The following RAP1A variants were observed in gnomAD, a reference collection of about 807,000 sequenced individuals.
RAP1A encodes ras-related protein Rap-1A.
A neutral mutation model predicts 26.4 loss-of-function variants in RAP1A; 6 were observed. The ratio of observed to expected loss-of-function variants is 0.23; its 90% confidence interval spans 0.12 to 0.45. The LOEUF (loss-of-function observed/expected upper bound fraction) is 0.45. RAP1A is among the 20% of genes least tolerant of loss of function. The pLI is 0.99. For synonymous variants in RAP1A, 73 were observed against 79.4 expected (o/e 0.92, Z 0.43); for missense variants, 121 against 217.2 (o/e 0.56, Z 2.78).
chr1:111,562,021 C>T (rs1331527900), intron 1 of RAP1A, among the ~76,000 whole-genome samples: 1 of 152,250 alleles, frequency 6.6e-6, no homozygotes, highest in Non-Finnish European at 1.5e-5. Flanking sequence ...ACTCTGAACC[C>T]AAATTAACTT....
intron 1 of RAP1A, among the ~76,000 whole-genome samples, chr1:111,591,286 T>C (rs935569265): frequency 6.6e-6 from 1 of 152,166 alleles, no homozygotes; most frequent in Non-Finnish European, 1.5e-5. Flanking sequence ...CAGCTTTTTG[T>C]TCTCCTGATC....
intron 4 of RAP1A, among the ~76,000 whole-genome samples, chr1:111,698,368 A>T (rs1402732775): frequency 1.3e-5 from 2 of 152,130 alleles, no homozygotes; most frequent in East Asian, 3.9e-4. Context: ...TCCTGGGCTC[A>T]AACAGTCTTC....
intron 1 of RAP1A, chr1:111,602,213 A>T (rs1376828328): frequency 6.6e-6 from 1 of 152,176 alleles, no homozygotes; most frequent in Non-Finnish European, 1.5e-5. Context: ...TTCTTCTTGT[A>T]GGTTATGTTC....
At chr1:111,580,627 T>C (rs557958480) in intron 1 of RAP1A, among the ~76,000 whole-genome samples, 1 of 152,056 alleles carries the variant, frequency 6.6e-6, no homozygotes, top group Non-Finnish European at 1.5e-5. Flanking sequence ...GGCGGGCGGA[T>C]CACGAGGTCA....
At chr1:111,662,594 T>C (rs965903175) in intron 1 of RAP1A, among the ~76,000 whole-genome samples, 2 of 152,102 alleles carry the variant, frequency 1.3e-5, no homozygotes, top group African/African-American at 4.8e-5. Flanking sequence ...TAAGAGAGAT[T>C]TGATGCTCTT....
chr1:111,602,810 A>G (rs1399920016), intron 1 of RAP1A, among the ~76,000 whole-genome samples: 1 of 152,176 alleles, frequency 6.6e-6, no homozygotes, highest in African/African-American at 2.4e-5. Context: ...CTACCCCAGT[A>G]TCTACACGTT....
At chr1:111,648,712 C>A in intron 1 of RAP1A, 1 of 578,932 alleles carries the variant, frequency 1.7e-6, no homozygotes, top group Admixed American at 2.1e-5. Flanking sequence ...ATCTTAGCCT[C>A]TCCAGCCTCA....
At chr1:111,632,874 T>C (rs1012335971) in intron 1 of RAP1A, among the ~76,000 whole-genome samples, 3 of 135,338 alleles carry the variant, frequency 2.2e-5, no homozygotes, top group Admixed American at 8.7e-5. Flanking sequence ...TGAGCCAGGA[T>C]GGTGCCATTG....
At chr1:111,589,909 G>A (rs921806144) in intron 1 of RAP1A, among the ~76,000 whole-genome samples, 2 of 151,966 alleles carry the variant, frequency 1.3e-5, no homozygotes, top group Admixed American at 6.6e-5. Context: ...ACAGGCACAC[G>A]TCACCATGCC....
chr1:111,561,478 T>A (rs910135568), intron 1 of RAP1A, among the ~76,000 whole-genome samples: 1 of 151,988 alleles, frequency 6.6e-6, no homozygotes, highest in African/African-American at 2.4e-5. Flanking sequence ...ATTATTAACA[T>A]GTGACACAGA....
intron 1 of RAP1A, among the ~76,000 whole-genome samples, chr1:111,573,209 A>G (rs896889030): frequency 6.6e-6 from 1 of 152,148 alleles, no homozygotes; most frequent in African/African-American, 2.4e-5. Context: ...CAATGAATGT[A>G]TGTGTGCATG....
chr1:111,704,625 T>A, intron 6 of RAP1A, 139 bp downstream of exon 6: 1 of 926,550 alleles, frequency 1.1e-6, no homozygotes, highest in Non-Finnish European at 1.5e-6. Flanking sequence ...AAGTAATTCC[T>A]GGAAACTATA....
At chr1:111,654,661 G>A (rs981714529) in intron 1 of RAP1A, among the ~76,000 whole-genome samples, 4 of 151,848 alleles carry the variant, frequency 2.6e-5, no homozygotes, top group Non-Finnish European at 5.9e-5. Flanking sequence ...TCCTCAGTAA[G>A]TGTTAAACTG....
At chr1:111,671,871 G>T (rs1022893706) in intron 1 of RAP1A, among the ~76,000 whole-genome samples, 2 of 152,142 alleles carry the variant, frequency 1.3e-5, no homozygotes, top group African/African-American at 4.8e-5. Context: ...GGATTATTTA[G>T]AATTCTGTTT....
intron 2 of RAP1A, among the ~76,000 whole-genome samples, chr1:111,692,071 G>C (rs1661687811): frequency 6.6e-6 from 1 of 152,202 alleles, no homozygotes. Context: ...GTTTATGGAA[G>C]CTTGGATTAG....
Position 111,666,775 on chromosome 1 carries a change from C to A in RAP1A, c.-27-24559C>A, listed in dbSNP as rs866917257. Among the ~76,000 whole-genome samples the A allele has an allele frequency of 2.0e-5, 3 of 152,062 alleles. No individual in the cohort carries two copies. The South Asian group carries it at 6.2e-4, about 32-fold the overall frequency. On this transcript the variant is annotated intron_variant, in intron 1 of 7. Coordinates refer to ENST00000369709, the MANE Select transcript of RAP1A (RefSeq NM_002884.4). ...ATCTTAGGGAATTAATACTTGTGCTCAGATCCAAGGAAAAGAGCAGGCATT... is the reference window on the plus strand; with the variant it reads ...ATCTTAGGGAATTAATACTTGTGCTAAGATCCAAGGAAAAGAGCAGGCATT...
intron 1 of RAP1A, among the ~76,000 whole-genome samples, chr1:111,689,471 C>G (rs987817656): frequency 3.9e-5 from 6 of 152,072 alleles, no homozygotes; most frequent in African/African-American, 1.4e-4. Context: ...TTAATACCCT[C>G]CAGTGATATT....
At chr1:111,651,103 C>T (rs1660254706) in intron 1 of RAP1A, among the ~76,000 whole-genome samples, 1 of 152,100 alleles carries the variant, frequency 6.6e-6, no homozygotes, top group Admixed American at 6.5e-5. Context: ...CGCCCGTCTT[C>T]ACCTTATAGT....
chr1:111,689,678 CT>C (rs916106996), intron 1 of RAP1A, among the ~76,000 whole-genome samples: 6 of 150,916 alleles, frequency 4.0e-5, no homozygotes, highest in African/African-American at 1.2e-4. Flanking sequence ...TTTCAGGTCC[CT>C]TTTTTTTTGA....
Sources: gnomAD v4.1 joint callset for allele counts (sites outside exome capture counted in the v4.1 genomes callset) on GRCh38, gnomAD v4.1.1 for gene constraint, MANE v1.5 for transcripts, NCBI Gene and HGNC (gene_info 2026-07-23, HGNC 2026-07-21) for gene names.